ADAMTS17: variants seen among roughly 807,000 people sequenced by gnomAD.
ADAMTS17 encodes the protein ADAM metallopeptidase with thrombospondin type 1 motif 17, also known as A disintegrin and metalloproteinase with thrombospondin motifs 17.
In ADAMTS17, 113 loss-of-function variants were observed where a neutral mutation model predicts 141.5. The ratio of observed to expected loss-of-function variants is 0.80; its 90% confidence interval spans 0.69 to 0.93. ADAMTS17 has a LOEUF of 0.93. Among genes scored for constraint, ADAMTS17 ranks in the 40% least tolerant of loss-of-function variants. The probability of loss-of-function intolerance (pLI) is 0.00; values close to 1 mark genes in which losing one functional copy is unlikely to be tolerated. For missense variants in ADAMTS17, 1,659 were observed against 1,517.9 expected, an observed-to-expected ratio of 1.09 and a Z score of -1.54; for synonymous variants, 768 against 630.6, an observed-to-expected ratio of 1.22 and a Z score of -3.27.
chr15:100,205,399 T>G lies in ADAMTS17; in HGVS notation c.1076-5976A>C, dbSNP rs767992805. Among the ~76,000 whole-genome samples, 61 of 152,066 alleles carry G rather than the reference T, an allele frequency of 4.0e-4. 1 individual carries two copies. Among genetic ancestry groups the G allele is most frequent in the Non-Finnish European group, 8.8e-5 (6 of 68,000 alleles). ...GAGAGGGGAAGGAAAGAGAAACGAATAAGTGGTGATGTTCAAAAGGCCACA... is the reference window on the plus strand; with the variant it reads ...GAGAGGGGAAGGAAAGAGAAACGAAGAAGTGGTGATGTTCAAAAGGCCACA... On this transcript the variant is annotated intron_variant, in intron 7 of 21. Transcript: ENST00000268070.
chr15:100,290,229 G>C (rs1260828820), intron 3 of ADAMTS17, among the ~76,000 whole-genome samples: 1 of 152,012 alleles, frequency 6.6e-6, no homozygotes, highest in East Asian at 1.9e-4. Flanking sequence ...TCCAAGATGA[G>C]TGCAAATCAA....
intron 15 of ADAMTS17, among the ~76,000 whole-genome samples, chr15:100,057,940 C>A (rs1293663024): frequency 6.6e-6 from 1 of 152,080 alleles, no homozygotes; most frequent in African/African-American, 2.4e-5. Flanking sequence ...GGCATTCACA[C>A]ATGCTTTTTG....
intron 18 of ADAMTS17, among the ~76,000 whole-genome samples, chr15:100,048,589 A>ATTTT (rs3062438): frequency 5.4e-5 from 5 of 92,356 alleles, no homozygotes; most frequent in Admixed American, 1.2e-4. Flanking sequence ...GGTGATGGCC[A>ATTTT]TTTTTTTTTT....
intron 2 of ADAMTS17, among the ~76,000 whole-genome samples, chr15:100,334,212 G>GT (rs2046139318): frequency 2.0e-5 from 3 of 152,174 alleles, no homozygotes; most frequent in Non-Finnish European, 1.5e-5. Flanking sequence ...AGACATAGAG[G>GT]TTTTTATCAC....
chr15:99,986,382 G>C (rs968048960), intron 20 of ADAMTS17, among the ~76,000 whole-genome samples: 2 of 152,212 alleles, frequency 1.3e-5, no homozygotes, highest in Non-Finnish European at 2.9e-5. Context: ...CTTGACCTCA[G>C]ACTGATTCTC....
intron 7 of ADAMTS17, among the ~76,000 whole-genome samples, chr15:100,251,901 G>A (rs2043167338): frequency 1.3e-5 from 2 of 152,208 alleles, no homozygotes; most frequent in Non-Finnish European, 1.5e-5. Context: ...CGGCCAAGAG[G>A]AGAGGCCCTC....
At chr15:100,090,390 T>C (rs781199672) in intron 15 of ADAMTS17, among the ~76,000 whole-genome samples, 6 of 152,224 alleles carry the variant, frequency 3.9e-5, no homozygotes, top group Non-Finnish European at 8.8e-5. Context: ...AACCTTGGCA[T>C]TGGGATCACC....
intron 20 of ADAMTS17, among the ~76,000 whole-genome samples, chr15:99,986,757 G>GA (rs1567644837): frequency 1.8e-4 from 28 of 152,210 alleles, no homozygotes; most frequent in African/African-American, 5.3e-4. Flanking sequence ...TAGAAAGAAA[G>GA]GAGATTTCCT....
intron 7 of ADAMTS17, among the ~76,000 whole-genome samples, chr15:100,226,581 G>A (rs183631070): frequency 3.9e-5 from 6 of 152,364 alleles, no homozygotes; most frequent in African/African-American, 1.4e-4. Context: ...GGATTCTGGA[G>A]AAATCCTGTA....
At chr15:100,305,905 AGTTT>A (rs2141835474) in intron 3 of ADAMTS17, 1 of 152,470 alleles carries the variant, frequency 6.6e-6, no homozygotes, top group South Asian at 2.1e-4. Flanking sequence ...GAATATATTC[AGTTT>A]ATTGCATGTT....
intron 8 of ADAMTS17, among the ~76,000 whole-genome samples, chr15:100,161,952 C>T (rs558063446): frequency 1.3e-5 from 2 of 152,298 alleles, no homozygotes; most frequent in African/African-American, 4.8e-5. Context: ...AGCAATAAGG[C>T]GAACCCCAGA....
intron 8 of ADAMTS17, among the ~76,000 whole-genome samples, chr15:100,187,100 T>G (rs941087503): frequency 1.3e-5 from 2 of 152,132 alleles, no homozygotes; most frequent in African/African-American, 2.4e-5. Context: ...ACCTCCTCCA[T>G]CACCCAGGAC....
Position 100,024,041 on chromosome 15 carries a change from T to C in ADAMTS17, c.2591+24816A>G, listed in dbSNP as rs540124302. Among the ~76,000 whole-genome samples the C allele has an allele frequency of 2.6e-4, 39 of 152,346 alleles. No individual in the cohort carries two copies. The South Asian group carries it at 4.6e-3, about 18-fold the overall frequency. On this transcript the variant is annotated intron_variant, in intron 18 of 21. Transcript: ENST00000268070. Reference sequence around the variant, plus strand: ...AATCTTTGTATACTGTGCATCGCTATTGATAGCGAAGCAATTCCTATGCAA... The same window carrying C: ...AATCTTTGTATACTGTGCATCGCTACTGATAGCGAAGCAATTCCTATGCAA...
rs536766185 is a variant in ADAMTS17, at chr15:100,099,323, C to T, written c.2017-2847G>A. Among the ~76,000 whole-genome samples, 16 of 152,256 alleles carry T rather than the reference C, an allele frequency of 1.1e-4. No homozygotes were observed. In the South Asian group the frequency reaches 2.9e-3, roughly 28 times the overall value. ...TGACGGGTGACAGCCACAAAATCTG[C>T]GAACGGGGGCATTTTCTTCCATTGT... On this transcript the variant is annotated intron_variant, in intron 14 of 21. Coordinates refer to ENST00000268070, the MANE Select transcript of ADAMTS17 (RefSeq NM_139057.4).
intron 3 of ADAMTS17, among the ~76,000 whole-genome samples, chr15:100,282,411 G>C (rs1218806691): frequency 6.6e-6 from 1 of 152,188 alleles, no homozygotes; most frequent in Non-Finnish European, 1.5e-5. Context: ...TGAAACCACA[G>C]ACAGTACCGA....
intron 8 of ADAMTS17, among the ~76,000 whole-genome samples, chr15:100,168,907 C>T (rs2040053326): frequency 6.6e-6 from 1 of 152,214 alleles, no homozygotes; most frequent in Non-Finnish European, 1.5e-5. Flanking sequence ...CTCCCCTTGC[C>T]CCCCAGGTGC....
At chr15:100,283,563 G>A (rs2044352231) in intron 3 of ADAMTS17, among the ~76,000 whole-genome samples, 1 of 152,226 alleles carries the variant, frequency 6.6e-6, no homozygotes, top group African/African-American at 2.4e-5. Flanking sequence ...CAAAGTCAGT[G>A]TTGATAATCC....
At chr15:100,010,014 G>GT (rs1321930127) in intron 18 of ADAMTS17, among the ~76,000 whole-genome samples, 2 of 152,140 alleles carry the variant, frequency 1.3e-5, no homozygotes, top group Admixed American at 6.6e-5. Context: ...CATGAGGGTG[G>GT]TTTTTTTCCC....
chr15:100,111,031 T>C (rs919672388), intron 13 of ADAMTS17, among the ~76,000 whole-genome samples: 3 of 152,180 alleles, frequency 2.0e-5, no homozygotes, highest in Non-Finnish European at 4.4e-5. Context: ...TGGAAATGCT[T>C]CCCTCAGTTC....
Sources: allele counts gnomAD v4.1 joint callset (sites outside exome capture counted in the v4.1 genomes callset), GRCh38; gene constraint gnomAD v4.1.1; transcripts MANE v1.5; gene names NCBI Gene and HGNC (gene_info 2026-07-23, HGNC 2026-07-21).